Variants in APBA2 observed in about 807,000 individuals in gnomAD.
APBA2 encodes amyloid-beta A4 precursor protein-binding family A member 2.
A neutral mutation model predicts 75.0 loss-of-function variants in APBA2; 30 were observed. The observed-to-expected ratio is 0.40, with a 90% CI of 0.30 to 0.54. The LOEUF is 0.54. APBA2 is among the 20% of genes least tolerant of loss of function. The probability of loss-of-function intolerance (pLI) is 0.49; values close to 1 mark genes in which losing one functional copy is unlikely to be tolerated. For synonymous variants in APBA2, 444 were observed against 409.6 expected (o/e 1.08, Z -1.01); for missense variants, 801 against 1,016.1 (o/e 0.79, Z 2.88).
intron 2 of APBA2, among the ~76,000 whole-genome samples, chr15:28,980,813 C>G (rs1053411461): frequency 1.3e-5 from 2 of 152,186 alleles, no homozygotes; most frequent in Non-Finnish European, 2.9e-5. Flanking sequence ...GTAACCAAAA[C>G]AGCATGGGAC....
chr15:29,113,814 G>C (rs1361058206), intron 13 of APBA2, 62 bp from the exon 14 acceptor site: 3 of 1,591,350 alleles, frequency 1.9e-6, no homozygotes, highest in African/African-American at 2.7e-5. Context: ...CTTTGGGGAC[G>C]TGGTGGAGCG....
In APBA2 at chr15:29,061,044, C is replaced by T. The variant is rs569679339; in HGVS notation, c.951+6209C>T. On this transcript the variant is annotated intron_variant, in intron 4 of 14. Coordinates refer to ENST00000683413, the MANE Select transcript of APBA2 (RefSeq NM_001353788.2). ...AGAGTAGTTTGCTCATCAGTGCTTT[C>T]CCTGGGGCAACTCACCCACACTCCT... Among the ~76,000 whole-genome samples the T allele has an allele frequency of 3.3e-5, 5 of 152,250 alleles. No individual in the cohort carries two copies. In the South Asian group the frequency reaches 8.3e-4, roughly 25 times the overall value.
chr15:28,953,364 C>T (rs73368710), intron 2 of APBA2, among the ~76,000 whole-genome samples: 4,075 of 152,208 alleles, frequency 0.027, 155 homozygotes, highest in East Asian at 0.17. Context: ...AGCTGCCTTC[C>T]GCTCCCATCA....
intron 2 of APBA2, among the ~76,000 whole-genome samples, chr15:28,950,678 C>T (rs1455591486): frequency 2.0e-5 from 3 of 151,872 alleles, no homozygotes; most frequent in Non-Finnish European, 4.4e-5. Context: ...TTTCCATAGT[C>T]CTCCCTGGAA....
At chr15:28,945,660 A>C (rs2035504934) in intron 2 of APBA2, among the ~76,000 whole-genome samples, 1 of 152,020 alleles carries the variant, frequency 6.6e-6, no homozygotes, top group African/African-American at 2.4e-5. Context: ...CTGGGATTAC[A>C]GGCGCCTGCC....
chr15:28,964,083 A>G (rs531881608), intron 2 of APBA2, among the ~76,000 whole-genome samples: 1 of 152,338 alleles, frequency 6.6e-6, no homozygotes, highest in East Asian at 1.9e-4. Flanking sequence ...TGGAGTTTCC[A>G]GTTTGGGGCT....
chr15:29,001,724 A>G lies in APBA2; in HGVS notation c.-41+5918A>G, dbSNP rs187319606. Reference sequence around the variant, plus strand: ...CTTGCAGACTTGGTGTGTGCTTTCAAATTGGAAGCTCCTGCTCTGACACCC... The same window carrying G: ...CTTGCAGACTTGGTGTGTGCTTTCAGATTGGAAGCTCCTGCTCTGACACCC... On this transcript the variant is annotated intron_variant, in intron 3 of 14. Transcript: ENST00000683413. Among the ~76,000 whole-genome samples the G allele has an allele frequency of 1.9e-3, 294 of 152,322 alleles. 1 individual carries two copies. Among genetic ancestry groups the G allele is most frequent in the African/African-American group, 6.9e-3 (287 of 41,568 alleles).
intron 3 of APBA2, among the ~76,000 whole-genome samples, chr15:29,042,836 G>A (rs563864385): frequency 6.6e-6 from 1 of 152,254 alleles, no homozygotes; most frequent in East Asian, 1.9e-4. Flanking sequence ...GTATTTAGCA[G>A]TGTACTTCTT....
Position 28,951,129 on chromosome 15 carries a change from T to C in APBA2, c.-95+29380T>C, listed in dbSNP as rs58817710. 4.8e-3 allele frequency among the ~76,000 whole-genome samples: 730 copies of C among 152,330 alleles called. 6 individuals carry two copies. The highest frequency in any genetic ancestry group is 0.017 in the African/African-American group (693 of 41,558). On this transcript the variant is annotated intron_variant, in intron 2 of 14. Transcript: ENST00000683413. ...GACTTTTTGTCTTGTCATCATTCCT[T>C]AAACAATACAGTATAACAACGATTT...
chr15:28,950,749 G>A (rs975102901), intron 2 of APBA2, among the ~76,000 whole-genome samples: 1 of 152,178 alleles, frequency 6.6e-6, no homozygotes, highest in African/African-American at 2.4e-5. Context: ...CTCCTTCATG[G>A]GGGGTGGGGA....
At chr15:29,070,205 C>T (rs547365917) in intron 4 of APBA2, among the ~76,000 whole-genome samples, 1 of 152,170 alleles carries the variant, frequency 6.6e-6, no homozygotes, top group Non-Finnish European at 1.5e-5. Flanking sequence ...CTGAACTGTA[C>T]ACTCAAAAAT....
chr15:28,896,424 C>T (rs1211075359), intron 1 of APBA2, among the ~76,000 whole-genome samples: 10 of 152,112 alleles, frequency 6.6e-5, no homozygotes, highest in Non-Finnish European at 1.3e-4. Flanking sequence ...GGACTACAGG[C>T]GCCCGCCACC....
intron 4 of APBA2, among the ~76,000 whole-genome samples, chr15:29,058,528 G>A: frequency 6.6e-6 from 1 of 151,878 alleles, no homozygotes; most frequent in Non-Finnish European, 1.5e-5. Context: ...AAAAAGAAAA[G>A]AAAAATGAGT....
At chr15:28,939,681 G>A (rs540180117) in intron 2 of APBA2, among the ~76,000 whole-genome samples, 1 of 152,322 alleles carries the variant, frequency 6.6e-6, no homozygotes, top group South Asian at 2.1e-4. Context: ...TTGGAAACGA[G>A]AGCTGCCTCA....
rs1393516418 is a variant in APBA2 at position 29,054,660 on chromosome 15, A to T, written c.776A>T (p.Glu259Val). ...GAGCATGGGCCTGAGCCAGGGCCTG[A>T]GGACTCTGTAGAGGCCTGCCCACCC... ...SPEHGPEPGP[E>V]DSVEACPPIK... The change falls in exon 4 of 15, where the codon GAG becomes GTG. Residue 259 changes from glutamate to valine, a missense_variant. By Grantham distance (121) the Glu-to-Val change is moderately radical (BLOSUM62 -2). Transcript: ENST00000683413. The surrounding 1 kb of genome is among the most constrained non-coding windows in gnomAD (Gnocchi z 6.1). 3.7e-6 allele frequency: 6 copies of T among 1,614,020 alleles called. No homozygotes were observed. Among genetic ancestry groups the T allele is most frequent in the African/African-American group, 1.3e-5 (1 of 74,942 alleles).
intron 6 of APBA2, among the ~76,000 whole-genome samples, chr15:29,080,313 A>G (rs770621654): frequency 3.9e-4 from 59 of 152,168 alleles, no homozygotes; most frequent in Non-Finnish European, 8.1e-4. Flanking sequence ...TCATCACCAC[A>G]CTGCACTGCC....
chr15:28,908,093 C>T (rs981681696), intron 1 of APBA2, among the ~76,000 whole-genome samples: 63 of 152,318 alleles, frequency 4.1e-4, no homozygotes, highest in African/African-American at 1.4e-3. Context: ...TGGCTGGACC[C>T]TGGGGTTTTC....
At chr15:29,117,004 C>CTGAT in intron 14 of APBA2, 58 bp from the exon 15 acceptor site, 2 of 1,558,762 alleles carry the variant, frequency 1.3e-6, no homozygotes, top group Admixed American at 1.7e-5. Flanking sequence ...TTGCTTTCAC[C>CTGAT]TGATTGTGGG....
chr15:29,013,789 T>A (rs2039522816), intron 3 of APBA2, among the ~76,000 whole-genome samples: 1 of 152,210 alleles, frequency 6.6e-6, no homozygotes, highest in South Asian at 2.1e-4. Flanking sequence ...GTGTAATTAC[T>A]GGTGCAGATT....
Sources: allele counts gnomAD v4.1 joint callset (sites outside exome capture counted in the v4.1 genomes callset), GRCh38; gene constraint gnomAD v4.1.1; non-coding constraint Gnocchi (gnomAD v3.1); transcripts MANE v1.5; gene names NCBI Gene and HGNC (gene_info 2026-07-23, HGNC 2026-07-21).